The following CAMK2A variants were observed in gnomAD, a reference collection of about 807,000 sequenced individuals.
CAMK2A encodes the protein calcium/calmodulin-dependent protein kinase type II subunit alpha.
A neutral mutation model predicts 79.2 loss-of-function variants in CAMK2A; 7 were observed. The observed-to-expected ratio is 0.09, with a 90% confidence interval of 0.05 to 0.17. The LOEUF (loss-of-function observed/expected upper bound fraction) is 0.17, where lower values mean the gene tolerates loss of function less well. Among genes scored for constraint, CAMK2A ranks in the 10% least tolerant of loss-of-function variants. The probability of loss-of-function intolerance (pLI) is 1.00; values close to 1 mark genes in which losing one functional copy is unlikely to be tolerated. For missense variants in CAMK2A, 214 were observed against 646.4 expected, an observed-to-expected ratio of 0.33 and a Z score of 7.25; for synonymous variants, 242 against 251.7, an observed-to-expected ratio of 0.96 and a Z score of 0.36.
chr5:150,251,938 C>T (rs761238243), intron 8 of CAMK2A, 44 bp downstream of exon 8: 16 of 1,589,510 alleles, frequency 1.0e-5, no homozygotes, highest in East Asian at 2.2e-5. Flanking sequence ...CCCCAGAGGC[C>T]GGGGTGCAGC....
chr5:150,281,162 T>A (rs1320650077), intron 1 of CAMK2A, among the ~76,000 whole-genome samples: 1 of 152,214 alleles, frequency 6.6e-6, no homozygotes, highest in African/African-American at 2.4e-5. Flanking sequence ...AGTTACCTCA[T>A]AATCAAAGCC....
intron 11 of CAMK2A, among the ~76,000 whole-genome samples, chr5:150,249,921 C>A (rs1436270205): frequency 2.0e-5 from 3 of 152,188 alleles, no homozygotes; most frequent in Admixed American, 6.5e-5. Flanking sequence ...ACGCCCCTGG[C>A]TCCAGACCCA....
chr5:150,265,169 G>C (rs904407808), intron 2 of CAMK2A, 154 bp from the exon 3 acceptor site: 1 of 651,040 alleles, frequency 1.5e-6, no homozygotes, highest in African/African-American at 1.8e-5. Context: ...GAGTTCTCCA[G>C]GAAGACCATG....
chr5:150,285,390 C>T (rs1358125022), intron 1 of CAMK2A, among the ~76,000 whole-genome samples: 1 of 152,222 alleles, frequency 6.6e-6, no homozygotes, highest in Non-Finnish European at 1.5e-5. Context: ...GCACGGCCCC[C>T]AGTCTTTGGG....
chr5:150,274,545 G>T (rs553367530), intron 1 of CAMK2A, among the ~76,000 whole-genome samples: 1 of 152,222 alleles, frequency 6.6e-6, no homozygotes, highest in Admixed American at 6.5e-5. Flanking sequence ...ACTCCTAAAG[G>T]GCCCGATACT....
intron 1 of CAMK2A, among the ~76,000 whole-genome samples, chr5:150,287,328 T>C (rs909707608): frequency 6.6e-6 from 1 of 152,242 alleles, no homozygotes; most frequent in Non-Finnish European, 1.5e-5. Context: ...AACGTAGATT[T>C]AGACTTTCAT....
intron 2 of CAMK2A, among the ~76,000 whole-genome samples, chr5:150,266,725 T>A (rs544193973): frequency 4.6e-5 from 7 of 152,286 alleles, no homozygotes; most frequent in African/African-American, 1.7e-4. Context: ...CCCCAGCTCA[T>A]AACCACTACC....
intron 15 of CAMK2A, 54 bp from the exon 16 acceptor site, chr5:150,231,434 TA>T: frequency 2.8e-6 from 2 of 711,600 alleles, no homozygotes; most frequent in Non-Finnish European, 2.1e-6. Flanking sequence ...ATAATAATAA[TA>T]ATAATAATAG....
At chr5:150,272,960 A>G (rs960370336) in intron 2 of CAMK2A, 105 bp downstream of exon 2, 1 of 823,714 alleles carries the variant, frequency 1.2e-6, no homozygotes, top group South Asian at 1.5e-5. Flanking sequence ...TGCCATAAGT[A>G]TCACCCAGGG....
In CAMK2A at chr5:150,219,775, C is replaced by A. The variant is rs1239200244; in HGVS notation, c.*2935G>T. The stretch of plus-strand genomic sequence containing the variant: ...GGAGGCCTTGGGTCAGGATTCGCAC[C>A]ATGGTGGGCACAAACCCAGGAGAAC... On this transcript the variant is annotated 3_prime_UTR_variant, in exon 19 of 19. Transcript: ENST00000671881. The A allele has an allele frequency of 6.6e-6, 1 of 152,436 alleles. No homozygotes were observed. Among genetic ancestry groups the A allele is most frequent in the Non-Finnish European group, 1.5e-5 (1 of 68,014 alleles). 9.4% of individuals were successfully genotyped at this position (152,436 alleles called of 1,614,324 possible).
rs1234602160 is a variant in CAMK2A at position 150,289,640 on chromosome 5, G to C, written c.-15C>G. The C allele has an allele frequency of 3.1e-6, 5 of 1,611,936 alleles. No homozygotes were observed. In the African/African-American group the frequency reaches 6.7e-5, roughly 22 times the overall value. On this transcript the variant is annotated 5_prime_UTR_variant, in exon 1 of 19. Transcript: ENST00000671881. ...ATGGTGGCCATCCTGGCGCTGGGCA[G>C]GCAGGTGAGGCTTGGGACTGGGGGA...
intron 1 of CAMK2A, among the ~76,000 whole-genome samples, chr5:150,274,963 G>A (rs1179314136): frequency 1.3e-5 from 2 of 152,248 alleles, no homozygotes; most frequent in Non-Finnish European, 2.9e-5. Flanking sequence ...GAGGATGCTG[G>A]CAGGCACCGA....
chr5:150,236,460 A>C (rs1755064772), intron 15 of CAMK2A, among the ~76,000 whole-genome samples: 1 of 152,244 alleles, frequency 6.6e-6, no homozygotes, highest in African/African-American at 2.4e-5. Context: ...TTCTCATTTC[A>C]TCTGCACAGC....
At chr5:150,289,495 C>A in intron 1 of CAMK2A, 69 bp downstream of exon 1, 2 of 1,222,556 alleles carry the variant, frequency 1.6e-6, no homozygotes, top group Non-Finnish European at 2.4e-6. Context: ...TGCAGGCACA[C>A]ACACCCCACT....
At chr5:150,235,157 C>A (rs989386553) in intron 15 of CAMK2A, among the ~76,000 whole-genome samples, 2 of 152,196 alleles carry the variant, frequency 1.3e-5, no homozygotes, top group African/African-American at 4.8e-5. Flanking sequence ...ATTAATGTAG[C>A]CTGAGACAGT....
rs538092601 is a variant in CAMK2A at position 150,271,489 on chromosome 5, A to G, written c.157+1576T>C. 4.2e-3 allele frequency among the ~76,000 whole-genome samples: 636 copies of G among 152,306 alleles called. 4 individuals carry two copies. Among genetic ancestry groups the G allele is most frequent in the African/African-American group, 0.015 (606 of 41,564 alleles). On this transcript the variant is annotated intron_variant, in intron 2 of 18. Coordinates refer to ENST00000671881, the MANE Select transcript of CAMK2A (RefSeq NM_015981.4). ...GCAGCATGAGCCTCCTGTACCAGCCACTGTGAGGACTGCCACGAACCTGCA... is the reference window on the plus strand; with the variant it reads ...GCAGCATGAGCCTCCTGTACCAGCCGCTGTGAGGACTGCCACGAACCTGCA...
Position 150,238,765 on chromosome 5 carries a change from A to G in CAMK2A, c.1018-17T>C. 6.3e-7 allele frequency: 1 copy of G among 1,594,330 alleles called. No individual in the cohort carries two copies. Among genetic ancestry groups the G allele is most frequent in the South Asian group, 1.1e-5 (1 of 87,582 alleles). On this transcript the variant is annotated splice_polypyrimidine_tract_variant and intron_variant, in intron 14 of 18. Transcript: ENST00000671881. The stretch of plus-strand genomic sequence containing the variant: ...TGAGGATTCCTGCCAAAGAGAATAC[A>G]GGAGATGGTGAGGCCTGCCTGGGAG...
intron 13 of CAMK2A, among the ~76,000 whole-genome samples, chr5:150,241,460 C>A (rs1390281410): frequency 1.4e-5 from 2 of 141,564 alleles, no homozygotes; most frequent in Non-Finnish European, 3.1e-5. Context: ...TACTCCGTTC[C>A]CTCGCCCTCC....
chr5:150,264,100 C>T (rs759353824), intron 3 of CAMK2A, among the ~76,000 whole-genome samples: 4 of 152,174 alleles, frequency 2.6e-5, no homozygotes, highest in Non-Finnish European at 5.9e-5. Context: ...CCCTGCTCCT[C>T]AGTGCGGTCT....
Sources: allele counts gnomAD v4.1 joint callset (sites outside exome capture counted in the v4.1 genomes callset), GRCh38; gene constraint gnomAD v4.1.1; transcripts MANE v1.5; gene names NCBI Gene and HGNC (gene_info 2026-07-23, HGNC 2026-07-21).